Variants in PCDHGB6 observed in about 807,000 individuals in gnomAD.
The protein encoded by PCDHGB6 is protocadherin gamma-B6.
A neutral mutation model predicts 59.1 loss-of-function variants in PCDHGB6; 51 were observed. The observed-to-expected ratio is 0.86, with a 90% CI of 0.69 to 1.09. PCDHGB6 has a LOEUF of 1.09. Ranked by LOEUF, PCDHGB6 falls within the 50% of genes least tolerant of loss-of-function variation. PCDHGB6 has a pLI of 0.00. For synonymous variants in PCDHGB6, 466 were observed against 495.1 expected (o/e 0.94, Z 0.78); for missense variants, 1,148 against 1,205.1 (o/e 0.95, Z 0.70).
chr5:141,414,849 C>G (rs10038103), intron 1 of PCDHGB6: 1 of 1,614,134 alleles, frequency 6.2e-7, no homozygotes, highest in African/African-American at 1.3e-5. Flanking sequence ...TTGTGCTGGA[C>G]CAGAACGACA....
intron 1 of PCDHGB6, among the ~76,000 whole-genome samples, chr5:141,483,373 G>A (rs1410856257): frequency 6.6e-6 from 1 of 152,166 alleles, no homozygotes; most frequent in Admixed American, 6.5e-5. Flanking sequence ...TGCAATATTT[G>A]AAGAGAAGAT....
Position 141,486,390 on chromosome 5 carries a change from C to G in PCDHGB6, c.2419-8417C>G. 6.2e-7 allele frequency: 1 copy of G among 1,614,138 alleles called. No individual in the cohort carries two copies. The highest frequency in any genetic ancestry group is 8.5e-7 in the Non-Finnish European group (1 of 1,179,996). Reference sequence around the variant, plus strand: ...AAGTCTGCCTTCAGGAACCAGTTCTCCCTGGTGACTGCTGGACCCTTGGAT... The same window carrying G: ...AAGTCTGCCTTCAGGAACCAGTTCTGCCTGGTGACTGCTGGACCCTTGGAT... On this transcript the variant is annotated intron_variant, in intron 1 of 3. Coordinates refer to ENST00000520790, the MANE Select transcript of PCDHGB6 (RefSeq NM_018926.3). This position sits in a 1 kb window ranked among gnomAD's most constrained non-coding sequence, Gnocchi z 5.0.
intron 1 of PCDHGB6, chr5:141,418,974 G>C (rs754074516): frequency 1.0e-4 from 167 of 1,613,818 alleles, no homozygotes; most frequent in Non-Finnish European, 1.4e-4. Flanking sequence ...TTCAAAACAC[G>C]GGACCAAGAC....
intron 1 of PCDHGB6, among the ~76,000 whole-genome samples, chr5:141,481,223 A>C (rs935737972): frequency 3.3e-5 from 5 of 152,242 alleles, no homozygotes; most frequent in Non-Finnish European, 7.3e-5. Context: ...AAGGTCTCCC[A>C]GCCTTAAAGT....
intron 1 of PCDHGB6, chr5:141,415,740 G>GTTTTTTGT (rs2095911797): frequency 1.9e-6 from 1 of 515,998 alleles, no homozygotes; most frequent in East Asian, 8.3e-5. Flanking sequence ...GTTTATTAAG[G>GTTTTTTGT]TTTTTTTTTT....
At chr5:141,451,036 G>T (rs973806381) in intron 1 of PCDHGB6, among the ~76,000 whole-genome samples, 1 of 150,880 alleles carries the variant, frequency 6.6e-6, no homozygotes, top group Non-Finnish European at 1.5e-5. Flanking sequence ...CACCATATTG[G>T]CCAGGCTGGT....
rs773802276 is a variant in PCDHGB6, at chr5:141,408,935, G to C, written c.733G>C (p.Asp245His). 6.2e-7 allele frequency: 1 copy of C among 1,613,472 alleles called. No homozygotes were observed. The highest frequency in any genetic ancestry group is 8.5e-7 in the Non-Finnish European group (1 of 1,179,760). The change falls in exon 1 of 4, where the codon GAC becomes CAC. Residue 245 changes from aspartate to histidine, a missense_variant. Physicochemically the swap from Asp to His is moderately conservative, Grantham distance 81. Coordinates refer to ENST00000520790, the MANE Select transcript of PCDHGB6 (RefSeq NM_018926.3). ...TGATAACCCCCCGGTTTTCAGCAGA[G>C]ACGAATATAGAATTAGTCTTAGTGA... ...TNDNPPVFSR[D>H]EYRISLSENL...
chr5:141,454,625 C>G (rs1193628253), intron 1 of PCDHGB6, among the ~76,000 whole-genome samples: 1 of 151,512 alleles, frequency 6.6e-6, no homozygotes, highest in Admixed American at 6.6e-5. Context: ...AGGCTGGTCT[C>G]GAACCCCCAA....
At chr5:141,436,778 G>A (rs2097846346) in intron 1 of PCDHGB6, among the ~76,000 whole-genome samples, 1 of 152,154 alleles carries the variant, frequency 6.6e-6, no homozygotes, top group African/African-American at 2.4e-5. Flanking sequence ...ATTTGTGGAT[G>A]GAAATAAAAC....
At chr5:141,503,241 A>G (rs1399557839) in intron 2 of PCDHGB6, among the ~76,000 whole-genome samples, 1 of 152,074 alleles carries the variant, frequency 6.6e-6, no homozygotes, top group Non-Finnish European at 1.5e-5. Context: ...GACAGTTTCT[A>G]TCATACTCAC....
At chr5:141,449,349 G>A (rs191322076) in intron 1 of PCDHGB6, among the ~76,000 whole-genome samples, 2 of 151,956 alleles carry the variant, frequency 1.3e-5, no homozygotes, top group African/African-American at 4.8e-5. Flanking sequence ...GCTCACTCCT[G>A]TAATCCCAGC....
intron 1 of PCDHGB6, among the ~76,000 whole-genome samples, chr5:141,450,696 A>G (rs943551061): frequency 1.3e-5 from 2 of 152,164 alleles, no homozygotes; most frequent in East Asian, 3.9e-4. Flanking sequence ...CATGTTGCCC[A>G]GGATGGTCTC....
At position 141,505,514 on chromosome 5, in the gene PCDHGB6, G is replaced by A. The variant is rs758026551; in HGVS notation, c.2566+33G>A. The A allele has an allele frequency of 1.2e-5, 20 of 1,613,682 alleles. No homozygotes were observed. The South Asian group carries it at 1.8e-4, about 14-fold the overall frequency. ...GTGTCAGTGTGTGTATGGAAGAGTGGGAGACCTGGGGTTCTGGGGTGCATC... is the reference window on the plus strand; with the variant it reads ...GTGTCAGTGTGTGTATGGAAGAGTGAGAGACCTGGGGTTCTGGGGTGCATC... On this transcript the variant is annotated intron_variant, in intron 3 of 3. Transcript: ENST00000520790.
At chr5:141,441,663 G>A (rs777315226) in intron 1 of PCDHGB6, 20 of 260,482 alleles carry the variant, frequency 7.7e-5, no homozygotes, top group Non-Finnish European at 1.2e-4. Context: ...GTCCTTGAGC[G>A]CACAGTGCGC....
chr5:141,412,285 C>T (rs957716949), intron 1 of PCDHGB6: 3 of 152,194 alleles, frequency 2.0e-5, no homozygotes, highest in Non-Finnish European at 4.4e-5. Context: ...TCAAATTCTA[C>T]GTATTTCTTT....
At position 141,510,947 on chromosome 5, in the gene PCDHGB6, A is replaced by C; in HGVS notation, c.2567A>C (p.Glu856Ala). Residue 856 changes from glutamate to alanine, a missense_variant and splice_region_variant, in exon 4 of 4, where the codon GAA (glutamate) becomes GCA (alanine). By Grantham distance (107) the Glu-to-Ala change is moderately radical. This residue lies in a region of PCDHGB6 where 283 missense variants were observed against 318.6 expected (regional missense o/e 0.89). Transcript: ENST00000520790. ...ACCTGATCTTCCTCTGTCTCTGCAG[A>C]AGCTGCTGATGGGAGCTCCACCCTG... ...LQAMILASAS[E>A]AADGSSTLGG... The C allele has an allele frequency of 6.2e-7, 1 of 1,614,084 alleles. No individual in the cohort carries two copies. Among genetic ancestry groups the C allele is most frequent in the Non-Finnish European group, 8.5e-7 (1 of 1,180,000 alleles).
At chr5:141,439,077 C>T (rs978045948) in intron 1 of PCDHGB6, among the ~76,000 whole-genome samples, 1 of 151,492 alleles carries the variant, frequency 6.6e-6, no homozygotes, top group Non-Finnish European at 1.5e-5. Flanking sequence ...CCTGTAATCC[C>T]AGCTACTCAG....
At chr5:141,510,155 C>G (rs1044168112) in intron 3 of PCDHGB6, among the ~76,000 whole-genome samples, 2 of 151,942 alleles carry the variant, frequency 1.3e-5, no homozygotes, top group African/African-American at 4.8e-5. Context: ...CACCTGTAAT[C>G]TCAGCTACTC....
At position 141,438,631 on chromosome 5, in the gene PCDHGB6, T is replaced by C. The variant is rs1227796079; in HGVS notation, c.2418+28011T>C. 6.5e-4 allele frequency among the ~76,000 whole-genome samples: 28 copies of C among 43,202 alleles called. 1 individual carries two copies. Among genetic ancestry groups the C allele is most frequent in the Non-Finnish European group, 8.8e-4 (23 of 26,272 alleles). 28.3% of individuals were successfully genotyped at this position (43,202 alleles called of 152,430 possible). On this transcript the variant is annotated intron_variant, in intron 1 of 3. Transcript: ENST00000520790. ...ATATATATATATATATATATATATATATATACACACACACACACACATATA... is the reference window on the plus strand; with the variant it reads ...ATATATATATATATATATATATATACATATACACACACACACACACATATA...
Sources: allele counts gnomAD v4.1 joint callset (sites outside exome capture counted in the v4.1 genomes callset), GRCh38; gene constraint gnomAD v4.1.1; regional missense constraint gnomAD v4.1.1; non-coding constraint Gnocchi (gnomAD v3.1); transcripts MANE v1.5; gene names NCBI Gene and HGNC (gene_info 2026-07-23, HGNC 2026-07-21).